COPG2: variants seen among roughly 807,000 people sequenced by gnomAD.
COPG2 encodes the protein coatomer subunit gamma-2.
COPG2 carries 37 observed loss-of-function variants against 46.3 expected under a neutral mutation model. That is an observed-to-expected ratio of 0.80 (90% CI 0.61 to 1.05). The LOEUF (loss-of-function observed/expected upper bound fraction) is 1.05. COPG2 is among the 50% of genes least tolerant of loss of function. COPG2 has a pLI of 0.00. For missense variants in COPG2, 427 were observed against 387.8 expected (o/e 1.10, Z -0.85); for synonymous variants, 159 against 129.7 (o/e 1.23, Z -1.53).
chr7:130,573,398 A>G (rs1793942704), intron 9 of COPG2, among the ~76,000 whole-genome samples: 2 of 152,074 alleles, frequency 1.3e-5, no homozygotes, highest in South Asian at 4.1e-4. Flanking sequence ...ATTTCACAAG[A>G]AAATTACAGT....
chr7:130,572,829 A>T (rs1387981238), intron 9 of COPG2, among the ~76,000 whole-genome samples: 1 of 151,952 alleles, frequency 6.6e-6, no homozygotes, highest in African/African-American at 2.4e-5. Context: ...TGCAGCAAGC[A>T]GAAGAAAGGA....
At chr7:130,513,306 AAAATATATATATAT>A (rs1364823582) in intron 20 of COPG2, among the ~76,000 whole-genome samples, 40 of 49,030 alleles carry the variant, frequency 8.2e-4, no homozygotes, top group Admixed American at 2.7e-3. Context: ...AAAAAAAAAA[AAAATATATATATAT>A]ATATATATAT....
chr7:130,628,221 T>C (rs781783972), intron 5 of COPG2, among the ~76,000 whole-genome samples: 14 of 152,184 alleles, frequency 9.2e-5, no homozygotes, highest in Admixed American at 2.6e-4. Context: ...CATCTGGTCT[T>C]TGTTTCTCTG....
At chr7:130,607,385 T>C in intron 9 of COPG2, 4 of 412,468 alleles carry the variant, frequency 9.7e-6, no homozygotes, top group South Asian at 7.4e-5. Context: ...CTTTTTCTCT[T>C]GGCTACTAGT....
chr7:130,668,170 T>G (rs1487987157), intron 1 of COPG2, among the ~76,000 whole-genome samples: 1 of 152,120 alleles, frequency 6.6e-6, no homozygotes, highest in Non-Finnish European at 1.5e-5. Flanking sequence ...ACAGAGCCGG[T>G]GACCCCAGGA....
At chr7:130,600,571 CATTTTTAGTGCACT>C (rs1166383909) in intron 9 of COPG2, among the ~76,000 whole-genome samples, 1 of 152,090 alleles carries the variant, frequency 6.6e-6, no homozygotes, top group African/African-American at 2.4e-5. Context: ...CCCATTTTGT[CATTTTTAGTGCACT>C]ACACACTGAT....
rs1185851497 is a variant in COPG2, at chr7:130,633,833, T to C, written c.324-16768A>G. Among the ~76,000 whole-genome samples the C allele has an allele frequency of 3.3e-5, 5 of 152,218 alleles. No individual in the cohort carries two copies. In the East Asian group the frequency reaches 7.7e-4, roughly 23 times the overall value. ...GAATGGTATTACCGAGGTTTTCTTC[T>C]AGGGTTTTTATGGTTTTAGGTCTTA... On this transcript the variant is annotated intron_variant, in intron 5 of 23. Transcript: ENST00000425248.
Position 130,557,241 on chromosome 7 carries a change from A to G in COPG2, c.1129-2109T>C, listed in dbSNP as rs941344388. Among the ~76,000 whole-genome samples, 55 of 152,340 alleles carry G rather than the reference A, an allele frequency of 3.6e-4. No individual in the cohort carries two copies. The East Asian group carries it at 0.01, about 28-fold the overall frequency. On this transcript the variant is annotated intron_variant, in intron 12 of 23. Coordinates refer to ENST00000425248, the MANE Select transcript of COPG2 (RefSeq NM_012133.6). ...AGGTAGAAGATAAAATGGAATAAAA[A>G]ACATTTATAATAGCAATGAAAAAGG...
At chr7:130,524,091 G>A (rs1302258809) in intron 20 of COPG2, among the ~76,000 whole-genome samples, 1 of 151,848 alleles carries the variant, frequency 6.6e-6, no homozygotes, top group Non-Finnish European at 1.5e-5. Flanking sequence ...ACAAGAATGT[G>A]AAAGAAAGGA....
chr7:130,575,167 A>G (rs893077942), intron 9 of COPG2, among the ~76,000 whole-genome samples: 1 of 152,178 alleles, frequency 6.6e-6, no homozygotes, highest in African/African-American at 2.4e-5. Flanking sequence ...CGGCCTTGCA[A>G]GAGACCTAGA....
At chr7:130,592,696 C>A (rs946243189) in intron 9 of COPG2, among the ~76,000 whole-genome samples, 1 of 152,136 alleles carries the variant, frequency 6.6e-6, no homozygotes, top group Non-Finnish European at 1.5e-5. Context: ...CTTCCCTAAC[C>A]GTGAATGCTG....
chr7:130,647,817 G>A (rs970340611), intron 5 of COPG2, among the ~76,000 whole-genome samples: 2 of 148,914 alleles, frequency 1.3e-5, no homozygotes, highest in African/African-American at 2.5e-5. Context: ...CACAACCTCC[G>A]CCTCCCGGGT....
At chr7:130,653,064 T>C in intron 4 of COPG2, 116 bp from the exon 5 acceptor site, 1 of 645,348 alleles carries the variant, frequency 1.5e-6, no homozygotes, top group Non-Finnish European at 2.6e-6. Flanking sequence ...TTTAAAAGAG[T>C]CTCATCTACC....
At chr7:130,618,614 A>C (rs905319062) in intron 5 of COPG2, among the ~76,000 whole-genome samples, 2 of 152,188 alleles carry the variant, frequency 1.3e-5, no homozygotes, top group African/African-American at 2.4e-5. Context: ...AATACTTATA[A>C]AGGTGACTTT....
At chr7:130,636,470 CCTTT>C (rs782520862) in intron 5 of COPG2, among the ~76,000 whole-genome samples, 32 of 151,206 alleles carry the variant, frequency 2.1e-4, no homozygotes, top group African/African-American at 2.2e-4. Context: ...TTATGTAATG[CCTTT>C]CTTTGTCTCT....
Position 130,565,060 on chromosome 7 carries a change from G to A in COPG2, c.738-667C>T, listed in dbSNP as rs1400139867. Among the ~76,000 whole-genome samples, 6 of 152,336 alleles carry A rather than the reference G, an allele frequency of 3.9e-5. No homozygotes were observed. The East Asian group carries it at 9.6e-4, about 24-fold the overall frequency. ...TTGAGAAATGAGATGTCCTTAGGGGGCTTTGAAAATTTCTAAAATATTTCT... is the reference window on the plus strand; with the variant it reads ...TTGAGAAATGAGATGTCCTTAGGGGACTTTGAAAATTTCTAAAATATTTCT... On this transcript the variant is annotated intron_variant, in intron 9 of 23. Coordinates refer to ENST00000425248, the MANE Select transcript of COPG2 (RefSeq NM_012133.6).
At chr7:130,623,752 G>A (rs1444704036) in intron 5 of COPG2, among the ~76,000 whole-genome samples, 5 of 152,146 alleles carry the variant, frequency 3.3e-5, no homozygotes, top group African/African-American at 1.2e-4. Context: ...TCAGAAGGCT[G>A]AGGTGGGAGG....
chr7:130,633,805 C>T (rs1413476527), intron 5 of COPG2, among the ~76,000 whole-genome samples: 1 of 152,150 alleles, frequency 6.6e-6, no homozygotes, highest in Non-Finnish European at 1.5e-5. Flanking sequence ...ATGCCTATGT[C>T]CTGAATGGTA....
intron 9 of COPG2, among the ~76,000 whole-genome samples, chr7:130,606,233 A>T (rs1273626930): frequency 1.4e-5 from 2 of 145,596 alleles, no homozygotes; most frequent in African/African-American, 5.1e-5. Flanking sequence ...AATAAATAAA[A>T]AAAAGAAAGA....
Sources: gnomAD v4.1 joint callset for allele counts (sites outside exome capture counted in the v4.1 genomes callset) on GRCh38, gnomAD v4.1.1 for gene constraint, MANE v1.5 for transcripts, NCBI Gene and HGNC (gene_info 2026-07-23, HGNC 2026-07-21) for gene names.